HMBOX1: variants seen among roughly 807,000 people sequenced by gnomAD.
HMBOX1 encodes homeobox containing 1.
A neutral mutation model predicts 54.5 loss-of-function variants in HMBOX1; 14 were observed. The observed-to-expected ratio is 0.26, with a 90% CI of 0.17 to 0.40. The LOEUF (loss-of-function observed/expected upper bound fraction) is 0.40. Among genes scored for constraint, HMBOX1 ranks in the 10% least tolerant of loss-of-function variants. The pLI, the probability that HMBOX1 is intolerant of heterozygous loss-of-function variation, is 1.00. For synonymous variants in HMBOX1, 160 were observed against 181.0 expected (o/e 0.88, Z 0.93); for missense variants, 332 against 514.4 (o/e 0.65, Z 3.43).
chr8:28,903,971 A>T (rs983427189), intron 1 of HMBOX1, among the ~76,000 whole-genome samples: 80 of 152,260 alleles, frequency 5.3e-4, no homozygotes, highest in African/African-American at 1.9e-3. Flanking sequence ...ATGCTGCCAA[A>T]CATCCTTCAG....
intron 1 of HMBOX1, among the ~76,000 whole-genome samples, chr8:28,897,537 G>A (rs985877017): frequency 4.6e-5 from 7 of 152,152 alleles, no homozygotes; most frequent in Middle Eastern, 3.4e-3. Context: ...ATAGCCGGGC[G>A]TGGTGGCACA....
In HMBOX1 at chr8:28,947,165, CTGTTAGCAAGGCAATATAAAA is replaced by C. The variant is rs1383137271; in HGVS notation, c.-57-16642_-57-16622del. Reference sequence around the variant, plus strand: ...TCATGAATTGAGGTAATTTTTATGTCTGTTAGCAAGGCAATATAAAATGTGAGGCCCTAAAATAACTCTCTA... The same window carrying C: ...TCATGAATTGAGGTAATTTTTATGTCTGTGAGGCCCTAAAATAACTCTCTA... On this transcript the variant is annotated intron_variant, in intron 1 of 9. Transcript: ENST00000287701. Among the ~76,000 whole-genome samples the C allele has an allele frequency of 2.0e-5, 3 of 152,214 alleles. No individual in the cohort carries two copies. In the East Asian group the frequency reaches 5.8e-4, roughly 29 times the overall value.
At chr8:28,949,992 C>T (rs773680188) in intron 1 of HMBOX1, 1 of 152,214 alleles carries the variant, frequency 6.6e-6, no homozygotes, top group Non-Finnish European at 1.5e-5. Flanking sequence ...TTATGAGTTA[C>T]TTTCACCAAT....
At chr8:28,895,851 T>C (rs7009478) in intron 1 of HMBOX1, among the ~76,000 whole-genome samples, 133,853 of 152,120 alleles carry the variant, frequency 0.88, 58,940 homozygotes, top group East Asian at 0.95. Context: ...TTATTTCATA[T>C]CTTCATCCTT....
intron 4 of HMBOX1, among the ~76,000 whole-genome samples, chr8:28,988,988 C>T (rs1440163590): frequency 6.6e-6 from 1 of 151,828 alleles, no homozygotes; most frequent in African/African-American, 2.4e-5. Flanking sequence ...TTTGCTTAAA[C>T]AGGACCAAGT....
At chr8:29,005,985 A>G (rs138824436) in intron 4 of HMBOX1, among the ~76,000 whole-genome samples, 1 of 144,540 alleles carries the variant, frequency 6.9e-6, no homozygotes, top group Non-Finnish European at 1.5e-5. Context: ...CAGTTGATGC[A>G]TTCTATTTTT....
intron 6 of HMBOX1, among the ~76,000 whole-genome samples, chr8:29,041,286 T>C (rs961389868): frequency 9.2e-5 from 14 of 152,326 alleles, no homozygotes; most frequent in African/African-American, 2.9e-4. Context: ...TTCTTGGAGA[T>C]AGTCATTGCT....
At chr8:28,989,883 A>G (rs1830725273) in intron 4 of HMBOX1, among the ~76,000 whole-genome samples, 1 of 151,966 alleles carries the variant, frequency 6.6e-6, no homozygotes, top group Admixed American at 6.6e-5. Flanking sequence ...TTTTCTCTCA[A>G]CCATTTTAGT....
intron 1 of HMBOX1, among the ~76,000 whole-genome samples, chr8:28,894,588 C>T (rs17059523): frequency 0.09 from 13,703 of 152,214 alleles, 725 homozygotes; most frequent in South Asian, 0.24. Context: ...CTAGGTGCAG[C>T]TATTCCCCCA....
chr8:28,965,371 A>C (rs1432698159), intron 2 of HMBOX1, among the ~76,000 whole-genome samples: 1 of 152,240 alleles, frequency 6.6e-6, no homozygotes, highest in Non-Finnish European at 1.5e-5. Context: ...GTTTATTGCC[A>C]TACAAAGAGA....
At chr8:28,945,311 T>C (rs1161080906) in intron 1 of HMBOX1, among the ~76,000 whole-genome samples, 2 of 152,194 alleles carry the variant, frequency 1.3e-5, no homozygotes, top group East Asian at 3.9e-4. Flanking sequence ...ATTAAGAAAT[T>C]TGTGCAAGAT....
At chr8:29,045,170 C>T (rs1232770584) in intron 6 of HMBOX1, among the ~76,000 whole-genome samples, 191 bp from the exon 7 acceptor site, 1 of 152,160 alleles carries the variant, frequency 6.6e-6, no homozygotes, top group Non-Finnish European at 1.5e-5. Context: ...GCTCAGTAGC[C>T]ATTTGTGAGT....
intron 4 of HMBOX1, among the ~76,000 whole-genome samples, chr8:29,006,328 C>T (rs1833450412): frequency 6.6e-6 from 1 of 152,048 alleles, no homozygotes; most frequent in African/African-American, 2.4e-5. Flanking sequence ...TTAGTTGTTT[C>T]ACATTGGGGG....
At chr8:29,031,079 A>C (rs1802888009) in intron 6 of HMBOX1, among the ~76,000 whole-genome samples, 1 of 152,238 alleles carries the variant, frequency 6.6e-6, no homozygotes, top group Non-Finnish European at 1.5e-5. Flanking sequence ...TTTTCAGTTT[A>C]TCTCTAAAAC....
chr8:29,016,589 G>GAA (rs1313944631), intron 5 of HMBOX1, among the ~76,000 whole-genome samples: 1 of 152,220 alleles, frequency 6.6e-6, no homozygotes, highest in African/African-American at 2.4e-5. Flanking sequence ...GAATGGCTTA[G>GAA]CTGGTTGTTT....
chr8:28,899,143 T>A (rs1812721726), intron 1 of HMBOX1, among the ~76,000 whole-genome samples: 1 of 152,204 alleles, frequency 6.6e-6, no homozygotes, highest in South Asian at 2.1e-4. Context: ...GATGACAAAG[T>A]AGGACTATAA....
intron 1 of HMBOX1, among the ~76,000 whole-genome samples, chr8:28,928,976 A>G (rs1819016893): frequency 6.6e-6 from 1 of 152,204 alleles, no homozygotes; most frequent in Non-Finnish European, 1.5e-5. Flanking sequence ...TGGTTATAAG[A>G]TGAATACGTT....
chr8:28,975,244 G>A (rs112522037), intron 3 of HMBOX1, among the ~76,000 whole-genome samples: 1 of 152,202 alleles, frequency 6.6e-6, no homozygotes, highest in Non-Finnish European at 1.5e-5. Context: ...TAGGAGAGAT[G>A]AGACAAGATT....
At chr8:28,977,347 G>A (rs754219004) in intron 3 of HMBOX1, among the ~76,000 whole-genome samples, 1 of 152,088 alleles carries the variant, frequency 6.6e-6, no homozygotes, top group Non-Finnish European at 1.5e-5. Context: ...CTTAAATTCA[G>A]CTTCATTTTC....
Sources: allele counts gnomAD v4.1 joint callset (sites outside exome capture counted in the v4.1 genomes callset), GRCh38; gene constraint gnomAD v4.1.1; transcripts MANE v1.5; gene names NCBI Gene and HGNC (gene_info 2026-07-23, HGNC 2026-07-21).